CSMD3: variants seen among roughly 807,000 people sequenced by gnomAD.
CSMD3 encodes the protein CUB and Sushi multiple domains 3, also known as CUB and sushi domain-containing protein 3.
A neutral mutation model predicts 435.2 loss-of-function variants in CSMD3; 177 were observed. That is an observed-to-expected ratio of 0.41 (90% confidence interval 0.36 to 0.46). The LOEUF (loss-of-function observed/expected upper bound fraction) is 0.46, where lower values mean the gene tolerates loss of function less well. CSMD3 is among the 20% of genes least tolerant of loss of function. The probability of loss-of-function intolerance (pLI) is 0.34; values close to 1 mark genes in which losing one functional copy is unlikely to be tolerated. For synonymous variants in CSMD3, 1,656 were observed against 1,520.5 expected (o/e 1.09, Z -2.07); for missense variants, 4,265 against 4,504.6 (o/e 0.95, Z 1.52).
intron 10 of CSMD3, among the ~76,000 whole-genome samples, chr8:112,864,840 C>A (rs542373631): frequency 6.6e-6 from 1 of 152,036 alleles, no homozygotes; most frequent in Non-Finnish European, 1.5e-5. Flanking sequence ...AATATTTATG[C>A]GTTTCCTATA....
chr8:113,024,802 C>A (rs576072338), intron 5 of CSMD3, among the ~76,000 whole-genome samples: 91 of 152,086 alleles, frequency 6.0e-4, no homozygotes, highest in Non-Finnish European at 7.2e-4. Context: ...GTAGTAAAGT[C>A]AGAGCCTTTA....
At chr8:112,633,882 A>C (rs942780585) in intron 22 of CSMD3, among the ~76,000 whole-genome samples, 7 of 152,046 alleles carry the variant, frequency 4.6e-5, no homozygotes, top group African/African-American at 1.7e-4. Context: ...ATAAAATTTA[A>C]AACCTCATCT....
At chr8:112,937,442 C>T (rs1406310944) in intron 9 of CSMD3, among the ~76,000 whole-genome samples, 1 of 151,514 alleles carries the variant, frequency 6.6e-6, no homozygotes, top group Admixed American at 6.6e-5. Context: ...CCTCTGCCTC[C>T]TGGGCTCAAG....
chr8:112,917,597 C>A (rs1284326397), intron 10 of CSMD3, among the ~76,000 whole-genome samples: 1 of 151,884 alleles, frequency 6.6e-6, no homozygotes, highest in East Asian at 1.9e-4. Flanking sequence ...GCAGCAACAC[C>A]ACACCCACCA....
At chr8:112,615,150 G>C (rs1357096764) in intron 22 of CSMD3, among the ~76,000 whole-genome samples, 5 of 152,076 alleles carry the variant, frequency 3.3e-5, no homozygotes, top group Admixed American at 3.3e-4. Flanking sequence ...CAAATTTTGA[G>C]CTAAACTTGG....
At chr8:113,135,387 T>C (rs2091391912) in intron 4 of CSMD3, among the ~76,000 whole-genome samples, 1 of 151,914 alleles carries the variant, frequency 6.6e-6, no homozygotes, top group Admixed American at 6.6e-5. Context: ...ACTCCAGTTG[T>C]TCCTTTAGCC....
intron 10 of CSMD3, among the ~76,000 whole-genome samples, chr8:112,921,328 A>T (rs955232646): frequency 1.3e-5 from 2 of 151,936 alleles, no homozygotes; most frequent in African/African-American, 4.8e-5. Flanking sequence ...TATCTGTATC[A>T]TTGCCTATAC....
Position 113,208,508 on chromosome 8 carries a change from TC to T in CSMD3, c.515-34593del, listed in dbSNP as rs1397438790. On this transcript the variant is annotated intron_variant, in intron 3 of 70. Coordinates refer to ENST00000297405, the MANE Select transcript of CSMD3 (RefSeq NM_198123.2). ...CCAATTAATAAATGTTAGAATTATC[TC>T]CATAATAATAATGTATTCCCACAAT... 4.6e-5 allele frequency among the ~76,000 whole-genome samples: 7 copies of T among 152,142 alleles called. 1 individual carries two copies. The highest frequency in any genetic ancestry group is 1.5e-5 in the Non-Finnish European group (1 of 68,006).
intron 32 of CSMD3, among the ~76,000 whole-genome samples, chr8:112,415,486 T>C (rs1811811832): frequency 6.6e-6 from 1 of 152,222 alleles, no homozygotes; most frequent in Admixed American, 6.5e-5. Context: ...GAAGAACTTC[T>C]GCTAGGGCAC....
chr8:113,267,984 TTACATA>T (rs1257201023), intron 3 of CSMD3, among the ~76,000 whole-genome samples: 1 of 151,674 alleles, frequency 6.6e-6, no homozygotes, highest in Non-Finnish European at 1.5e-5. Flanking sequence ...ATACATATAA[TTACATA>T]TACATATACA....
chr8:112,991,924 GAACA>G (rs2085470954), intron 6 of CSMD3, among the ~76,000 whole-genome samples: 1 of 151,758 alleles, frequency 6.6e-6, no homozygotes, highest in South Asian at 2.1e-4. Flanking sequence ...ACATGAGAAA[GAACA>G]ATCAGTGTTA....
At chr8:112,423,603 C>G (rs1812742688) in intron 32 of CSMD3, among the ~76,000 whole-genome samples, 1 of 152,124 alleles carries the variant, frequency 6.6e-6, no homozygotes, top group Non-Finnish European at 1.5e-5. Flanking sequence ...GCCACCATGC[C>G]TGGCTAAGTT....
At position 112,465,091 on chromosome 8, in the gene CSMD3, A is replaced by C. The variant is rs145618561; in HGVS notation, c.5395+7500T>G. On this transcript the variant is annotated intron_variant, in intron 32 of 70. Transcript: ENST00000297405. ...CAGTGTAAAATAACATAGGGCCTTTAAACATTAAAACCCATTTTAGAAAAA... is the reference window on the plus strand; with the variant it reads ...CAGTGTAAAATAACATAGGGCCTTTCAACATTAAAACCCATTTTAGAAAAA... 3.1e-3 allele frequency among the ~76,000 whole-genome samples: 479 copies of C among 152,272 alleles called. 2 individuals carry two copies. Among genetic ancestry groups the C allele is most frequent in the Non-Finnish European group, 5.1e-3 (347 of 68,020 alleles).
At chr8:112,401,526 G>T (rs947880334) in intron 35 of CSMD3, among the ~76,000 whole-genome samples, 1 of 151,930 alleles carries the variant, frequency 6.6e-6, no homozygotes, top group Non-Finnish European at 1.5e-5. Flanking sequence ...ATATATACTT[G>T]CAAGGCCTAT....
At chr8:112,957,071 A>C (rs1587759433) in intron 7 of CSMD3, among the ~76,000 whole-genome samples, 1 of 152,080 alleles carries the variant, frequency 6.6e-6, no homozygotes, top group African/African-American at 2.4e-5. Context: ...TCTCCTAATA[A>C]ATAAATTAAA....
chr8:112,714,248 GAA>G (rs773032011), intron 13 of CSMD3, among the ~76,000 whole-genome samples: 1 of 120,890 alleles, frequency 8.3e-6, no homozygotes, highest in Admixed American at 8.4e-5. Context: ...CAAATGAACA[GAA>G]AAAAAAAAAA....
In CSMD3 at chr8:112,603,297, A is replaced by G. The variant is rs145174816; in HGVS notation, c.3716-16062T>C. Among the ~76,000 whole-genome samples, 593 of 152,388 alleles carry G rather than the reference A, an allele frequency of 3.9e-3. 1 individual carries two copies. Among genetic ancestry groups the G allele is most frequent in the African/African-American group, 0.013 (555 of 41,594 alleles). Reference sequence around the variant, plus strand: ...TCAGTTTATTGTATTGCATTAAACAACAAAAAATATCTGAGAAATTACACA... The same window carrying G: ...TCAGTTTATTGTATTGCATTAAACAGCAAAAAATATCTGAGAAATTACACA... On this transcript the variant is annotated intron_variant, in intron 22 of 70. Coordinates refer to ENST00000297405, the MANE Select transcript of CSMD3 (RefSeq NM_198123.2).
At chr8:112,690,407 A>T (rs1446799705) in intron 13 of CSMD3, among the ~76,000 whole-genome samples, 2 of 152,002 alleles carry the variant, frequency 1.3e-5, no homozygotes, top group Non-Finnish European at 2.9e-5. Flanking sequence ...ATTTCCCTCA[A>T]ATCCCAAAGA....
At chr8:113,424,474 T>C (rs916281142) in intron 1 of CSMD3, among the ~76,000 whole-genome samples, 2 of 151,600 alleles carry the variant, frequency 1.3e-5, no homozygotes, top group Non-Finnish European at 3.0e-5. Flanking sequence ...GTGTTGACCT[T>C]GATAAGTTAG....
Sources: gnomAD v4.1 joint callset for allele counts (sites outside exome capture counted in the v4.1 genomes callset) on GRCh38, gnomAD v4.1.1 for gene constraint, MANE v1.5 for transcripts, NCBI Gene and HGNC (gene_info 2026-07-23, HGNC 2026-07-21) for gene names.